The following DNM3 variants were observed in gnomAD, a reference collection of about 807,000 sequenced individuals.
The protein encoded by DNM3 is dynamin-3.
Under a neutral mutation model 101.6 loss-of-function variants are expected in DNM3, and 47 were observed. That is an observed-to-expected ratio of 0.46 (90% CI 0.37 to 0.59). The LOEUF (loss-of-function observed/expected upper bound fraction) is 0.59, where lower values mean the gene tolerates loss of function less well. Ranked by LOEUF, DNM3 falls within the 20% of genes least tolerant of loss-of-function variation. The pLI is 0.00. For missense variants in DNM3, 849 were observed against 1,085.7 expected, an observed-to-expected ratio of 0.78 and a Z score of 3.06; for synonymous variants, 385 against 387.9, an observed-to-expected ratio of 0.99 and a Z score of 0.09.
intron 1 of DNM3, among the ~76,000 whole-genome samples, chr1:171,907,060 A>G (rs12073636): frequency 0.011 from 1,682 of 152,308 alleles, 34 homozygotes; most frequent in African/African-American, 0.039. Flanking sequence ...GACCACCTCT[A>G]ACTGTCTCCA....
chr1:172,091,682 G>A (rs1339361087), intron 12 of DNM3, among the ~76,000 whole-genome samples: 1 of 152,180 alleles, frequency 6.6e-6, no homozygotes, highest in Non-Finnish European at 1.5e-5. Context: ...GTAGGGCCTT[G>A]TAGACCCTTG....
chr1:172,109,808 T>G (rs1358439669), intron 13 of DNM3, among the ~76,000 whole-genome samples: 1 of 152,202 alleles, frequency 6.6e-6, no homozygotes, highest in Non-Finnish European at 1.5e-5. Context: ...TTTACTTTAT[T>G]AAGTTTCCTC....
At chr1:172,035,269 T>C (rs989942813) in intron 6 of DNM3, among the ~76,000 whole-genome samples, 4 of 152,120 alleles carry the variant, frequency 2.6e-5, no homozygotes, top group Non-Finnish European at 4.4e-5. Context: ...GCTTGAGATA[T>C]CATTGACACA....
At chr1:172,406,824 C>T (rs2070925650) in intron 20 of DNM3, among the ~76,000 whole-genome samples, 1 of 151,574 alleles carries the variant, frequency 6.6e-6, no homozygotes, top group South Asian at 2.1e-4. Context: ...ACTATAATTC[C>T]AGAAGGAGTC....
intron 2 of DNM3, among the ~76,000 whole-genome samples, chr1:171,941,127 G>A (rs1031625261): frequency 1.3e-5 from 2 of 152,068 alleles, no homozygotes; most frequent in African/African-American, 4.8e-5. Flanking sequence ...CTTTCCTCAT[G>A]TGAAAGCTGC....
chr1:172,028,915 A>C (rs1463101135), intron 4 of DNM3, among the ~76,000 whole-genome samples: 1 of 152,188 alleles, frequency 6.6e-6, no homozygotes, highest in East Asian at 1.9e-4. Context: ...GGCAGTAATT[A>C]ATAGCCTACC....
chr1:171,864,870 A>AT (rs1423324231), intron 1 of DNM3, among the ~76,000 whole-genome samples: 1 of 152,022 alleles, frequency 6.6e-6, no homozygotes, highest in East Asian at 1.9e-4. Context: ...AAAAAAAAAA[A>AT]CTAATTGTAT....
intron 16 of DNM3, among the ~76,000 whole-genome samples, chr1:172,313,674 C>T (rs1195225248): frequency 2.0e-5 from 3 of 152,158 alleles, no homozygotes; most frequent in Non-Finnish European, 4.4e-5. Context: ...TAATGCCTTC[C>T]TCAGAGTGAC....
At chr1:172,354,983 G>A (rs1276029814) in intron 17 of DNM3, among the ~76,000 whole-genome samples, 3 of 152,096 alleles carry the variant, frequency 2.0e-5, no homozygotes, top group South Asian at 2.1e-4. Context: ...TATTTGTCTC[G>A]GCTTGCACTG....
intron 12 of DNM3, among the ~76,000 whole-genome samples, chr1:172,090,238 G>A (rs1226644111): frequency 6.6e-6 from 1 of 152,166 alleles, no homozygotes; most frequent in African/African-American, 2.4e-5. Flanking sequence ...CTATGAAGGT[G>A]TCATGATCTC....
At chr1:172,173,989 C>T (rs2059062096) in intron 14 of DNM3, among the ~76,000 whole-genome samples, 1 of 151,544 alleles carries the variant, frequency 6.6e-6, no homozygotes, top group Non-Finnish European at 1.5e-5. Context: ...GAATGCCAAA[C>T]TTGAAATTAT....
At chr1:172,047,948 T>C (rs1013234586) in intron 9 of DNM3, among the ~76,000 whole-genome samples, 11 of 152,154 alleles carry the variant, frequency 7.2e-5, no homozygotes, top group African/African-American at 2.4e-4. Flanking sequence ...TTGTTTAAAT[T>C]TGAGTAATCA....
At position 172,266,602 on chromosome 1, in the gene DNM3, T is replaced by A. The variant is rs551592170; in HGVS notation, c.1769+12920T>A. 1.1e-4 allele frequency among the ~76,000 whole-genome samples: 17 copies of A among 152,334 alleles called. No individual in the cohort carries two copies. In the South Asian group the frequency reaches 3.5e-3, roughly 32 times the overall value. On this transcript the variant is annotated intron_variant, in intron 15 of 20. Transcript: ENST00000627582. ...ACTTCTTGCCTCACAAAATGCTAAG[T>A]GAGAATTGCTTGTCTTCTAAATACC...
intron 17 of DNM3, among the ~76,000 whole-genome samples, chr1:172,326,682 T>G (rs1293306083): frequency 6.6e-6 from 1 of 152,114 alleles, no homozygotes; most frequent in Non-Finnish European, 1.5e-5. Flanking sequence ...ACGTTTCAGT[T>G]AAATATTTTT....
chr1:172,103,479 T>C (rs1043341936), intron 13 of DNM3, among the ~76,000 whole-genome samples: 1 of 152,164 alleles, frequency 6.6e-6, no homozygotes, highest in Non-Finnish European at 1.5e-5. Flanking sequence ...TGTGGCATAA[T>C]ATTATAGTGT....
intron 2 of DNM3, among the ~76,000 whole-genome samples, chr1:171,976,986 A>G (rs997352022): frequency 2.6e-5 from 4 of 152,106 alleles, no homozygotes; most frequent in African/African-American, 9.7e-5. Context: ...TTGAATTTTC[A>G]TGACAAAGTC....
At chr1:171,901,141 C>A (rs4916238) in intron 1 of DNM3, among the ~76,000 whole-genome samples, 54,347 of 125,826 alleles carry the variant, frequency 0.43, 13,034 homozygotes, top group East Asian at 0.65. Flanking sequence ...AGAAAGAAAT[C>A]TATGAAGTTC....
At chr1:171,921,213 G>C (rs2040142091) in intron 1 of DNM3, among the ~76,000 whole-genome samples, 1 of 151,188 alleles carries the variant, frequency 6.6e-6, no homozygotes, top group Non-Finnish European at 1.5e-5. Context: ...CTCCCATAGT[G>C]CTGGGATTAC....
At chr1:171,916,323 A>C (rs1225884411) in intron 1 of DNM3, among the ~76,000 whole-genome samples, 1 of 152,202 alleles carries the variant, frequency 6.6e-6, no homozygotes, top group East Asian at 1.9e-4. Flanking sequence ...GAGATCAAAC[A>C]AGTTAATGCA....
Sources: gnomAD v4.1 joint callset for allele counts (sites outside exome capture counted in the v4.1 genomes callset) on GRCh38, gnomAD v4.1.1 for gene constraint, MANE v1.5 for transcripts, NCBI Gene and HGNC (gene_info 2026-07-23, HGNC 2026-07-21) for gene names.